Variants in BTBD16 observed in about 807,000 individuals in gnomAD.
BTBD16 encodes the protein BTB domain containing 16.
Under a neutral mutation model 67.4 loss-of-function variants are expected in BTBD16, and 66 were observed. That is an observed-to-expected ratio of 0.98 (90% CI 0.80 to 1.20). The LOEUF is 1.20. Among genes scored for constraint, BTBD16 ranks in the 50% most tolerant of loss-of-function variants. The probability of loss-of-function intolerance (pLI) is 0.00; values close to 1 mark genes in which losing one functional copy is unlikely to be tolerated. For synonymous variants in BTBD16, 242 were observed against 236.4 expected, an observed-to-expected ratio of 1.02 and a Z score of -0.22; for missense variants, 634 against 616.0, an observed-to-expected ratio of 1.03 and a Z score of -0.31.
At chr10:122,316,096 T>C (rs2096423782) in intron 10 of BTBD16, among the ~76,000 whole-genome samples, 2 of 151,932 alleles carry the variant, frequency 1.3e-5, no homozygotes, top group Admixed American at 1.3e-4. Context: ...GTGGAACCCC[T>C]TCTCTACTAA....
chr10:122,304,534 C>T (rs1436348665), intron 9 of BTBD16, among the ~76,000 whole-genome samples: 1 of 148,340 alleles, frequency 6.7e-6, no homozygotes, highest in African/African-American at 2.5e-5. Flanking sequence ...GCTGACATTA[C>T]GGGGTAGCAG....
chr10:122,294,920 C>T (rs1220120681), intron 7 of BTBD16, among the ~76,000 whole-genome samples: 1 of 152,244 alleles, frequency 6.6e-6, no homozygotes, highest in African/African-American at 2.4e-5. Flanking sequence ...TTTCGACAGA[C>T]AAAAGCTGGC....
chr10:122,290,923 C>A, intron 6 of BTBD16, 157 bp from the exon 7 acceptor site: 6 of 698,708 alleles, frequency 8.6e-6, no homozygotes, highest in Non-Finnish European at 1.1e-5. Context: ...TAGCACAGAT[C>A]GTCAGCTTCT....
chr10:122,331,871 C>T (rs1178557718), intron 12 of BTBD16: 5 of 155,518 alleles, frequency 3.2e-5, no homozygotes, highest in East Asian at 1.9e-4. Context: ...CAGCGCTCCC[C>T]GCACCATAGA....
rs1230063307 is a variant in BTBD16, at chr10:122,329,453, G to C, written c.912-27G>C. 2.2e-5 allele frequency: 36 copies of C among 1,610,578 alleles called. 1 individual carries two copies. The Admixed American group carries it at 5.8e-4, about 26-fold the overall frequency. On this transcript the variant is annotated intron_variant, in intron 10 of 15. Transcript: ENST00000260723. ...CCAGAGAGGAGTTTGCTGAAGGTCT[G>C]TTATTCTTCTTTATGCCTCTGCTAA...
chr10:122,282,396 C>A (rs1028435752), intron 3 of BTBD16, among the ~76,000 whole-genome samples: 3 of 152,200 alleles, frequency 2.0e-5, no homozygotes, highest in Admixed American at 6.5e-5. Context: ...CAGCCATCCT[C>A]CCCCCTTGGA....
intron 10 of BTBD16, among the ~76,000 whole-genome samples, chr10:122,322,014 C>T (rs953234968): frequency 6.6e-6 from 1 of 151,958 alleles, no homozygotes; most frequent in East Asian, 1.9e-4. Flanking sequence ...TTTTTAGTAT[C>T]TATAGAATTT....
At chr10:122,283,794 G>C (rs2096357744) in intron 3 of BTBD16, 57 bp from the exon 4 acceptor site, 4 of 1,326,654 alleles carry the variant, frequency 3.0e-6, no homozygotes, top group Non-Finnish European at 4.3e-6. Flanking sequence ...GCATGTTGTA[G>C]TTGGAGAAAA....
At chr10:122,293,624 C>T (rs978829249) in intron 7 of BTBD16, among the ~76,000 whole-genome samples, 5 of 152,188 alleles carry the variant, frequency 3.3e-5, no homozygotes, top group Admixed American at 1.3e-4. Context: ...CCCTGAAGGT[C>T]GTGGGGTGAA....
intron 10 of BTBD16, among the ~76,000 whole-genome samples, chr10:122,317,835 G>A (rs2096428624): frequency 6.6e-6 from 1 of 151,982 alleles, no homozygotes; most frequent in African/African-American, 2.4e-5. Flanking sequence ...TGATAACAAT[G>A]GCTTCTTCTG....
At chr10:122,303,069 A>T (rs1432769491) in intron 9 of BTBD16, among the ~76,000 whole-genome samples, 1 of 152,250 alleles carries the variant, frequency 6.6e-6, no homozygotes, top group African/African-American at 2.4e-5. Flanking sequence ...AAAAAAAAGT[A>T]TAAAGGTAGA....
intron 9 of BTBD16, among the ~76,000 whole-genome samples, chr10:122,305,094 A>G (rs2096401257): frequency 6.6e-6 from 1 of 152,218 alleles, no homozygotes. Context: ...GTTGGGTTGT[A>G]TGGCAAAGGA....
intron 10 of BTBD16, among the ~76,000 whole-genome samples, chr10:122,310,412 G>A (rs1438926200): frequency 2.6e-5 from 4 of 152,198 alleles, no homozygotes; most frequent in African/African-American, 7.2e-5. Context: ...GGCCTAGCAG[G>A]GCTGGTGGCC....
rs1181661482 is a variant in BTBD16, at chr10:122,334,914, T to C, written c.1198T>C (p.Tyr400His). Residue 400 changes from tyrosine (Y) to histidine (H), a missense_variant, in exon 14 of 16, where the codon TAT becomes CAT. By Grantham distance (83) the Tyr-to-His change is moderately conservative. Transcript: ENST00000260723. The part of the protein sequence containing the change: ...NTTYSKTIAL[Y>H]GFFFKIKGLK... ...AACTTATTCGAAAACGATTGCTCTA[T>C]ATGGATTCTTCTTTAAGATAAAGGG... is the stretch of plus-strand genomic sequence containing the variant. The C allele has an allele frequency of 1.9e-6, 3 of 1,573,990 alleles. No individual in the cohort carries two copies. Among genetic ancestry groups the C allele is most frequent in the African/African-American group, 1.4e-5 (1 of 73,982 alleles).
At chr10:122,296,324 C>G (rs2096383079) in intron 7 of BTBD16, among the ~76,000 whole-genome samples, 1 of 152,160 alleles carries the variant, frequency 6.6e-6, no homozygotes, top group Admixed American at 6.5e-5. Context: ...TCAGTAAAAG[C>G]TACTCTCCAG....
intron 10 of BTBD16, among the ~76,000 whole-genome samples, chr10:122,313,918 G>A (rs1368199321): frequency 3.3e-5 from 5 of 152,086 alleles, no homozygotes; most frequent in Non-Finnish European, 7.4e-5. Flanking sequence ...CATTAGTCTT[G>A]TCTATCCTTG....
At chr10:122,284,800 G>A (rs2096360407) in intron 4 of BTBD16, among the ~76,000 whole-genome samples, 1 of 151,364 alleles carries the variant, frequency 6.6e-6, no homozygotes, top group Admixed American at 6.6e-5. Context: ...CTGAACAGGA[G>A]AAGTAGTCTG....
intron 8 of BTBD16, 106 bp downstream of exon 8, chr10:122,297,943 T>C (rs2096386651): frequency 1.1e-6 from 1 of 912,472 alleles, no homozygotes; most frequent in Admixed American, 2.5e-5. Flanking sequence ...AGAATATCTA[T>C]TTGAAGTCAT....
At chr10:122,317,595 C>T (rs1009674582) in intron 10 of BTBD16, among the ~76,000 whole-genome samples, 9 of 151,738 alleles carry the variant, frequency 5.9e-5, no homozygotes, top group East Asian at 1.9e-4. Flanking sequence ...TGCAGTGAGC[C>T]GAGATCGCAC....
Sources: allele counts gnomAD v4.1 joint callset (sites outside exome capture counted in the v4.1 genomes callset), GRCh38; gene constraint gnomAD v4.1.1; transcripts MANE v1.5; gene names NCBI Gene and HGNC (gene_info 2026-07-23, HGNC 2026-07-21).